The following NCALD variants were observed in gnomAD, a reference collection of about 807,000 sequenced individuals.
NCALD encodes neurocalcin-delta.
Under a neutral mutation model 18.6 loss-of-function variants are expected in NCALD, and 10 were observed. That is an observed-to-expected ratio of 0.54 (90% CI 0.33 to 0.91). The LOEUF is 0.91. Among genes scored for constraint, NCALD ranks in the 40% least tolerant of loss-of-function variants. The pLI is 0.03. For missense variants in NCALD, 184 were observed against 247.6 expected (o/e 0.74, Z 1.72); for synonymous variants, 88 against 87.4 (o/e 1.01, Z -0.04).
chr8:102,120,604 G>GA (rs1317827505), intron 1 of NCALD, among the ~76,000 whole-genome samples: 7 of 152,206 alleles, frequency 4.6e-5, no homozygotes. Flanking sequence ...AACAATGTTT[G>GA]AGGCCTGAAT....
At chr8:101,860,735 T>C (rs986601929) in intron 4 of NCALD, among the ~76,000 whole-genome samples, 1 of 152,124 alleles carries the variant, frequency 6.6e-6, no homozygotes, top group Non-Finnish European at 1.5e-5. Context: ...CACTGGAGAA[T>C]TGAGGGAGAG....
At chr8:102,047,772 TC>T (rs1586976789) in intron 1 of NCALD, among the ~76,000 whole-genome samples, 2 of 152,328 alleles carry the variant, frequency 1.3e-5, no homozygotes, top group East Asian at 3.9e-4. Context: ...TTATTATTCT[TC>T]CCATTTTTTC....
intron 2 of NCALD, among the ~76,000 whole-genome samples, chr8:101,995,516 G>C (rs1197879195): frequency 3.3e-5 from 5 of 152,076 alleles, no homozygotes; most frequent in Admixed American, 3.3e-4. Flanking sequence ...AAGGCAAAGG[G>C]GTAGCAGGCA....
intron 2 of NCALD, among the ~76,000 whole-genome samples, chr8:102,017,640 A>T (rs1822134586): frequency 1.3e-5 from 2 of 152,214 alleles, no homozygotes; most frequent in Non-Finnish European, 2.9e-5. Flanking sequence ...GGTTGCAGTG[A>T]GCCAAGATAG....
At chr8:101,836,422 C>G (rs1019938872) in intron 4 of NCALD, among the ~76,000 whole-genome samples, 13 of 152,304 alleles carry the variant, frequency 8.5e-5, no homozygotes, top group African/African-American at 2.9e-4. Flanking sequence ...TGGGCCTTGG[C>G]ACTCTCATTT....
At chr8:102,009,736 G>T (rs541247863) in intron 2 of NCALD, among the ~76,000 whole-genome samples, 1 of 152,272 alleles carries the variant, frequency 6.6e-6, no homozygotes, top group African/African-American at 2.4e-5. Context: ...GCAGTTTACC[G>T]TCTTTCTGTC....
intron 2 of NCALD, among the ~76,000 whole-genome samples, chr8:101,938,996 C>T (rs778024835): frequency 5.3e-5 from 8 of 152,202 alleles, no homozygotes; most frequent in Non-Finnish European, 7.3e-5. Flanking sequence ...TCTATCAGTG[C>T]TTGGATCTGA....
At chr8:101,871,588 T>TTTTTTTC (rs1816022610) in intron 4 of NCALD, among the ~76,000 whole-genome samples, 1 of 151,824 alleles carries the variant, frequency 6.6e-6, no homozygotes, top group African/African-American at 2.4e-5. Context: ...ATTTTCTTTT[T>TTTTTTTC]TTTTTTTTTG....
chr8:101,752,437 T>A (rs1053573602), intron 1 of NCALD, among the ~76,000 whole-genome samples: 2 of 152,210 alleles, frequency 1.3e-5, no homozygotes, highest in African/African-American at 4.8e-5. Context: ...TTTTTTCAAC[T>A]TGGATTAGTC....
chr8:101,814,284 T>C (rs1399544302), intron 4 of NCALD, among the ~76,000 whole-genome samples: 1 of 152,138 alleles, frequency 6.6e-6, no homozygotes, highest in Non-Finnish European at 1.5e-5. Flanking sequence ...ACAATATATT[T>C]TTAAAATTAT....
intron 1 of NCALD, among the ~76,000 whole-genome samples, chr8:102,086,520 A>G (rs1824742408): frequency 6.6e-6 from 1 of 152,144 alleles, no homozygotes; most frequent in African/African-American, 2.4e-5. Context: ...ACTTCTCTCC[A>G]TACCCATAAT....
intron 2 of NCALD, among the ~76,000 whole-genome samples, chr8:102,010,138 T>G (rs776658597): frequency 3.3e-5 from 5 of 152,252 alleles, no homozygotes; most frequent in Non-Finnish European, 5.9e-5. Flanking sequence ...GAGAAATAGC[T>G]AATCACAAAC....
At chr8:101,803,646 G>A (rs1410531643) in intron 4 of NCALD, among the ~76,000 whole-genome samples, 1 of 152,150 alleles carries the variant, frequency 6.6e-6, no homozygotes, top group Non-Finnish European at 1.5e-5. Context: ...TGATTCATGG[G>A]AGGAGGCCAA....
intron 4 of NCALD, among the ~76,000 whole-genome samples, chr8:101,811,745 G>A (rs111380838): frequency 2.0e-5 from 3 of 152,092 alleles, no homozygotes; most frequent in Non-Finnish European, 2.9e-5. Flanking sequence ...AACCCATTAC[G>A]GAAAAACCTA....
At chr8:101,983,374 ACT>A (rs1209790983) in intron 2 of NCALD, among the ~76,000 whole-genome samples, 1 of 152,110 alleles carries the variant, frequency 6.6e-6, no homozygotes, top group Non-Finnish European at 1.5e-5. Flanking sequence ...TAACCCCAGG[ACT>A]CCGTCCCTAT....
At chr8:101,807,125 T>C (rs1442698478) in intron 4 of NCALD, among the ~76,000 whole-genome samples, 1 of 152,058 alleles carries the variant, frequency 6.6e-6, no homozygotes, top group Non-Finnish European at 1.5e-5. Flanking sequence ...ACCAAATACA[T>C]TGATAGTAGA....
chr8:101,750,760 T>A (rs1224000892), intron 1 of NCALD: 4 of 152,180 alleles, frequency 2.6e-5, no homozygotes, highest in Non-Finnish European at 5.9e-5. Context: ...TGCCTAGGAA[T>A]GTCCGGGGGA....
chr8:102,060,455 G>A (rs1363301326), intron 1 of NCALD, among the ~76,000 whole-genome samples: 2 of 152,188 alleles, frequency 1.3e-5, no homozygotes, highest in African/African-American at 2.4e-5. Flanking sequence ...CTGGCTGGGC[G>A]AGGTAGGATT....
chr8:101,818,923 G>T (rs1813608038), intron 4 of NCALD, among the ~76,000 whole-genome samples: 1 of 152,160 alleles, frequency 6.6e-6, no homozygotes, highest in Admixed American at 6.5e-5. Flanking sequence ...AGAATCTCTT[G>T]AATCTGGGAG....
Sources: allele counts gnomAD v4.1 joint callset (sites outside exome capture counted in the v4.1 genomes callset), GRCh38; gene constraint gnomAD v4.1.1; transcripts MANE v1.5; gene names NCBI Gene and HGNC (gene_info 2026-07-23, HGNC 2026-07-21).